Variants in DNAH3 observed in about 807,000 individuals in gnomAD.
The protein encoded by DNAH3 is dynein axonemal heavy chain 3.
Under a neutral mutation model 432.5 loss-of-function variants are expected in DNAH3, and 332 were observed. That is an observed-to-expected ratio of 0.77 (90% CI 0.70 to 0.84). The LOEUF is 0.84. Ranked by LOEUF, DNAH3 falls within the 40% of genes least tolerant of loss-of-function variation. The probability of loss-of-function intolerance (pLI) is 0.00; values close to 1 mark genes in which losing one functional copy is unlikely to be tolerated. For missense variants in DNAH3, 4,861 were observed against 5,114.0 expected, an observed-to-expected ratio of 0.95 and a Z score of 1.51; for synonymous variants, 1,956 against 1,900.2, an observed-to-expected ratio of 1.03 and a Z score of -0.76.
At chr16:21,015,274 T>A (rs953707843) in intron 41 of DNAH3, among the ~76,000 whole-genome samples, 1 of 152,214 alleles carries the variant, frequency 6.6e-6, no homozygotes, top group African/African-American at 2.4e-5. Context: ...CTCAACAGCA[T>A]ATTGCTAAGT....
chr16:21,059,718 T>C (rs1727110981), intron 26 of DNAH3, among the ~76,000 whole-genome samples: 1 of 149,150 alleles, frequency 6.7e-6, no homozygotes, highest in Non-Finnish European at 1.5e-5. Flanking sequence ...GAGGTTGCAG[T>C]GAGCCAAGAT....
Position 21,027,137 on chromosome 16 carries a change from C to T in DNAH3, c.5440-10G>A. 3.1e-6 allele frequency: 5 copies of T among 1,600,424 alleles called. No individual in the cohort carries two copies. The African/African-American group carries it at 4.0e-5, about 13-fold the overall frequency. On this transcript the variant is annotated splice_polypyrimidine_tract_variant and intron_variant, in intron 37 of 61. Coordinates refer to ENST00000261383, the Ensembl canonical transcript of DNAH3. ...CACTCATGAGACACAGCTAAAAGTGCAAAGCAGAGGGTAGCAGACAGGGGA... is the reference window on the plus strand; with the variant it reads ...CACTCATGAGACACAGCTAAAAGTGTAAAGCAGAGGGTAGCAGACAGGGGA...
chr16:21,136,597 C>A, intron 5 of DNAH3, 84 bp from the exon 7 acceptor site: 1 of 1,234,236 alleles, frequency 8.1e-7, no homozygotes, highest in Non-Finnish European at 1.2e-6. Flanking sequence ...GCCAAGGGAC[C>A]CCATTCATAC....
exon 10 of DNAH3, chr16:21,122,121 C>A: frequency 6.2e-7 from 1 of 1,610,110 alleles, no homozygotes. Context: ...AAATCATTCC[C>A]ATCCTTCAGG....
At chr16:21,137,071 T>G (rs890578417) in intron 5 of DNAH3, among the ~76,000 whole-genome samples, 1 of 151,456 alleles carries the variant, frequency 6.6e-6, no homozygotes, top group African/African-American at 2.4e-5. Flanking sequence ...GAGGTGGAGG[T>G]TGCAGTGAGC....
chr16:21,060,526 C>CTTTTTTTTTT (rs375746116), intron 25 of DNAH3, among the ~76,000 whole-genome samples, 170 bp from the exon 26 acceptor site: 16 of 93,418 alleles, frequency 1.7e-4, no homozygotes, highest in South Asian at 4.2e-4. Flanking sequence ...TTTTTTTTTT[C>CTTTTTTTTTT]TTTTTTTTTT....
chr16:21,148,627 G>A (rs1022475650), intron 1 of DNAH3, among the ~76,000 whole-genome samples: 7 of 151,976 alleles, frequency 4.6e-5, no homozygotes, highest in Non-Finnish European at 8.8e-5. Context: ...AAAGCAAACC[G>A]TGAGCATTTT....
At chr16:21,028,107 C>A (rs1162158317) in intron 37 of DNAH3, among the ~76,000 whole-genome samples, 1 of 152,200 alleles carries the variant, frequency 6.6e-6, no homozygotes, top group Non-Finnish European at 1.5e-5. Context: ...CCACCTCAGC[C>A]TCCTGAGTAG....
At chr16:21,075,768 C>T (rs1434675157) in intron 20 of DNAH3, among the ~76,000 whole-genome samples, 1 of 151,604 alleles carries the variant, frequency 6.6e-6, no homozygotes, top group African/African-American at 2.4e-5. Flanking sequence ...CAAAAATTAG[C>T]CAGGTGTGGT....
chr16:20,958,393 T>C (rs2084670549), intron 54 of DNAH3, among the ~76,000 whole-genome samples: 1 of 151,970 alleles, frequency 6.6e-6, no homozygotes, highest in African/African-American at 2.4e-5. Flanking sequence ...TTTAGACAAA[T>C]AATAATTTTT....
chr16:20,943,610 T>C (rs892591980), intron 58 of DNAH3, among the ~76,000 whole-genome samples: 21 of 152,120 alleles, frequency 1.4e-4, no homozygotes, highest in African/African-American at 4.3e-4. Context: ...CACTCACACA[T>C]CTTTCTCCTT....
Position 20,970,086 on chromosome 16 carries a change from G to A in DNAH3, c.8260-96C>T. On this transcript the variant is annotated intron_variant, in intron 51 of 61. Transcript: ENST00000261383. The stretch of plus-strand genomic sequence containing the variant: ...ACTCCTACATGAGGAAGAAGGAAGA[G>A]GTGCTTCCTCTTCCAGATACCCTTT... The A allele has an allele frequency of 6.0e-6, 7 of 1,174,232 alleles. No individual in the cohort carries two copies. In the South Asian group the frequency reaches 6.2e-5, roughly 10 times the overall value. The allele number at this position is 1,174,232 out of a possible 1,614,324, so 72.7% of individuals were successfully genotyped here. A position where few individuals can be genotyped will look rare whatever the true frequency, so the allele number is the denominator to read the frequency against.
intron 55 of DNAH3, 142 bp from the exon 56 acceptor site, chr16:20,952,691 T>C: frequency 1.7e-6 from 1 of 599,238 alleles, no homozygotes; most frequent in Non-Finnish European, 3.0e-6. Context: ...GGCCAACTAT[T>C]AGCCTGGACG....
intron 41 of DNAH3, among the ~76,000 whole-genome samples, chr16:21,010,263 G>C (rs1227602426): frequency 6.6e-6 from 1 of 152,138 alleles, no homozygotes; most frequent in Non-Finnish European, 1.5e-5. Flanking sequence ...TGTGAGAGTA[G>C]AAAGAGGAGA....
exon 35 of DNAH3, chr16:21,036,756 C>A (rs778857582): frequency 6.2e-7 from 1 of 1,614,034 alleles, no homozygotes; most frequent in Non-Finnish European, 8.5e-7. Flanking sequence ...GCTGGAGTTT[C>A]ATCTTTTTGA....
chr16:21,153,894 A>G (rs1403827870), intron 1 of DNAH3, among the ~76,000 whole-genome samples: 1 of 152,156 alleles, frequency 6.6e-6, no homozygotes, highest in Non-Finnish European at 1.5e-5. Flanking sequence ...TGGGCTTTCC[A>G]TCCTTTCAAA....
At position 20,984,750 on chromosome 16, in the gene DNAH3, A is replaced by G. The variant is rs2086105511; in HGVS notation, c.7665+327T>C. Among the ~76,000 whole-genome samples the G allele has an allele frequency of 2.0e-5, 3 of 152,198 alleles. No individual in the cohort carries two copies. The South Asian group carries it at 6.2e-4, about 32-fold the overall frequency. ...AGGTGTGGTACGCGCCTGCAATCAC[A>G]GCTACTCAGGAGGCTGAGGCACCAG... is the stretch of plus-strand genomic sequence containing the variant. On this transcript the variant is annotated intron_variant, in intron 48 of 61. Transcript: ENST00000261383.
At chr16:21,132,236 G>A (rs1331406498) in intron 7 of DNAH3, among the ~76,000 whole-genome samples, 1 of 152,034 alleles carries the variant, frequency 6.6e-6, no homozygotes, top group Non-Finnish European at 1.5e-5. Flanking sequence ...CAAGCCACAG[G>A]GCTCCCTTAA....
At chr16:20,996,851 C>A (rs2086784260) in intron 44 of DNAH3, 1 of 166,146 alleles carries the variant, frequency 6.0e-6, no homozygotes, top group South Asian at 1.7e-4. Flanking sequence ...GCAATATATC[C>A]ACTGATTATT....
Sources: allele counts gnomAD v4.1 joint callset (sites outside exome capture counted in the v4.1 genomes callset), GRCh38; gene constraint gnomAD v4.1.1; transcripts MANE v1.5; gene names NCBI Gene and HGNC (gene_info 2026-07-23, HGNC 2026-07-21).